The following MYO16 variants were observed in gnomAD, a reference collection of about 807,000 sequenced individuals.
The protein encoded by MYO16 is myosin XVI.
MYO16 carries 94 observed loss-of-function variants against 205.3 expected under a neutral mutation model. That is an observed-to-expected ratio of 0.46 (90% CI 0.39 to 0.54). MYO16 has a LOEUF of 0.54. MYO16 is among the 20% of genes least tolerant of loss of function. The probability of loss-of-function intolerance (pLI) is 0.00; values close to 1 mark genes in which losing one functional copy is unlikely to be tolerated. For synonymous variants in MYO16, 988 were observed against 954.0 expected (o/e 1.04, Z -0.66); for missense variants, 2,315 against 2,387.5 (o/e 0.97, Z 0.63).
intron 27 of MYO16, among the ~76,000 whole-genome samples, chr13:109,085,376 T>C (rs1212273322): frequency 2.6e-5 from 4 of 152,094 alleles, no homozygotes; most frequent in South Asian, 4.1e-4. Flanking sequence ...TCGAGATGTT[T>C]AGGATGTGGA....
At chr13:108,790,748 A>G (rs80009131) in intron 5 of MYO16, among the ~76,000 whole-genome samples, 2 of 152,334 alleles carry the variant, frequency 1.3e-5, no homozygotes, top group Non-Finnish European at 2.9e-5. Flanking sequence ...ATTCAAAATT[A>G]AGTTTTCAAA....
chr13:108,746,584 A>G (rs1329340201), intron 4 of MYO16, among the ~76,000 whole-genome samples: 4 of 152,188 alleles, frequency 2.6e-5, no homozygotes, highest in Non-Finnish European at 5.9e-5. Context: ...TTCCCAATAT[A>G]CTGATATGAT....
At chr13:108,750,384 G>A (rs139455499) in intron 4 of MYO16, among the ~76,000 whole-genome samples, 12 of 152,234 alleles carry the variant, frequency 7.9e-5, no homozygotes, top group Admixed American at 2.0e-4. Context: ...GTAAGGTGCC[G>A]ATAATGAGAG....
At chr13:108,989,992 G>T (rs1019047528) in intron 20 of MYO16, among the ~76,000 whole-genome samples, 1 of 152,020 alleles carries the variant, frequency 6.6e-6, no homozygotes, top group Non-Finnish European at 1.5e-5. Flanking sequence ...TTGTATACAT[G>T]ATGAAACTCC....
At chr13:108,760,251 T>C (rs1234799078) in intron 4 of MYO16, among the ~76,000 whole-genome samples, 1 of 152,230 alleles carries the variant, frequency 6.6e-6, no homozygotes, top group Non-Finnish European at 1.5e-5. Context: ...TGGACCTATT[T>C]CTCACAGCTC....
chr13:108,787,292 G>A (rs970874887), intron 5 of MYO16, among the ~76,000 whole-genome samples: 2 of 152,060 alleles, frequency 1.3e-5, no homozygotes, highest in Admixed American at 1.3e-4. Context: ...TACAGCTTTG[G>A]TATGTTGGTC....
At chr13:109,087,070 G>A (rs1350489858) in intron 27 of MYO16, among the ~76,000 whole-genome samples, 2 of 152,160 alleles carry the variant, frequency 1.3e-5, no homozygotes, top group Non-Finnish European at 2.9e-5. Context: ...ACATAATTCA[G>A]TTCAGATGCC....
intron 16 of MYO16, among the ~76,000 whole-genome samples, chr13:108,940,650 TAGTC>T (rs1478858514): frequency 6.6e-6 from 1 of 152,096 alleles, no homozygotes; most frequent in Non-Finnish European, 1.5e-5. Flanking sequence ...TGGAGAAAAA[TAGTC>T]AAACAATAGG....
At chr13:108,559,986 A>G in the MYO16 span, among the ~76,000 whole-genome samples, 7 of 152,202 alleles carry the variant, frequency 4.6e-5, no homozygotes, top group Non-Finnish European at 1.0e-4. Flanking sequence ...TTGTTATGGT[A>G]GACTAAAGCC....
rs1885959533 is a variant in MYO16, at chr13:109,019,794, A to G, written c.2679A>G (p.Gln893=). Reference sequence around the variant, plus strand: ...AATCAAATTTTCCAAAAAAACTACAAAGTCTCCTAGAATCCTCAAACACAA... The same window carrying G: ...AATCAAATTTTCCAAAAAAACTACAGAGTCTCCTAGAATCCTCAAACACAA... ...SVESNFPKKL[Q]SLLESSNTNA... Residue 893 remains glutamine, a synonymous_variant, in exon 23 of 35, where the codon CAA becomes CAG. Transcript: ENST00000457511. 1.9e-6 allele frequency: 3 copies of G among 1,614,084 alleles called. No individual in the cohort carries two copies. Among genetic ancestry groups the G allele is most frequent in the East Asian group, 2.2e-5 (1 of 44,870 alleles).
chr13:108,938,352 C>G (rs1218441671), intron 16 of MYO16, among the ~76,000 whole-genome samples: 2 of 152,190 alleles, frequency 1.3e-5, no homozygotes, highest in Non-Finnish European at 2.9e-5. Flanking sequence ...CTGGGCTGAT[C>G]CATGGAATGC....
In MYO16 at chr13:109,140,379, G is replaced by A. The variant is rs78673011; in HGVS notation, c.4167G>A (p.Ser1389=). The A allele has an allele frequency of 4.5e-3, 7,187 of 1,599,824 alleles. 260 individuals carry two copies. In the African/African-American group the frequency reaches 0.083, roughly 18 times the overall value. ...TCAGCGGCTCCTACGAGGAGATATC[G>A]GGGTCCCGGCCCGGGGACGCGAGGC... The part of the protein sequence containing the change: ...TKLSGSYEEI[S]GSRPGDARPA... Residue 1389 remains serine (S), a synonymous_variant, in exon 32 of 35, where the codon TCG becomes TCA. Coordinates refer to ENST00000457511, the MANE Select transcript of MYO16 (RefSeq NM_001198950.3). The surrounding 1 kb of genome is among the most constrained non-coding windows in gnomAD (Gnocchi z 8.0).
At chr13:108,974,544 A>G (rs544263156) in intron 20 of MYO16, among the ~76,000 whole-genome samples, 1 of 152,240 alleles carries the variant, frequency 6.6e-6, no homozygotes, top group South Asian at 2.1e-4. Context: ...AATATCCTCA[A>G]TGTTGTTCAT....
At chr13:109,108,364 C>T (rs1889183641) in intron 28 of MYO16, among the ~76,000 whole-genome samples, 1 of 152,138 alleles carries the variant, frequency 6.6e-6, no homozygotes, top group Non-Finnish European at 1.5e-5. Flanking sequence ...ATAGTTTCTG[C>T]CTTTAGAGTA....
intron 4 of MYO16, among the ~76,000 whole-genome samples, chr13:108,753,185 C>T (rs558056417): frequency 6.6e-6 from 1 of 151,684 alleles, no homozygotes; most frequent in Admixed American, 6.6e-5. Flanking sequence ...CTGACCAACA[C>T]AGTGAAACCC....
At chr13:109,126,792 A>G (rs1876271692) in intron 30 of MYO16, among the ~76,000 whole-genome samples, 1 of 152,196 alleles carries the variant, frequency 6.6e-6, no homozygotes, top group Non-Finnish European at 1.5e-5. Flanking sequence ...GAACACTGAA[A>G]TGTAAATTTC....
At chr13:108,495,970 C>A in the MYO16 span, among the ~76,000 whole-genome samples, 3 of 152,028 alleles carry the variant, frequency 2.0e-5, no homozygotes, top group African/African-American at 7.2e-5. Flanking sequence ...GCGCGGGGAA[C>A]GCGGCGGGGC....
intron 20 of MYO16, among the ~76,000 whole-genome samples, chr13:108,972,707 T>C (rs907440912): frequency 2.0e-5 from 3 of 151,968 alleles, no homozygotes; most frequent in Non-Finnish European, 2.9e-5. Context: ...CTGCCACTCT[T>C]TCTCTTAGGG....
chr13:108,974,543 A>T (rs978934355), intron 20 of MYO16, among the ~76,000 whole-genome samples: 1 of 152,142 alleles, frequency 6.6e-6, no homozygotes, highest in Admixed American at 6.5e-5. Context: ...TAATATCCTC[A>T]ATGTTGTTCA....
Sources: allele counts gnomAD v4.1 joint callset (sites outside exome capture counted in the v4.1 genomes callset), GRCh38; gene constraint gnomAD v4.1.1; non-coding constraint Gnocchi (gnomAD v3.1); transcripts MANE v1.5; gene names NCBI Gene and HGNC (gene_info 2026-07-23, HGNC 2026-07-21).